The following CSMD1 variants were observed in gnomAD, a reference collection of about 807,000 sequenced individuals.
The protein encoded by CSMD1 is CUB and sushi domain-containing protein 1.
In CSMD1, 213 loss-of-function variants were observed where a neutral mutation model predicts 417.5. The ratio of observed to expected loss-of-function variants is 0.51; its 90% CI spans 0.46 to 0.57. The LOEUF (loss-of-function observed/expected upper bound fraction) is 0.57. Among genes scored for constraint, CSMD1 ranks in the 20% least tolerant of loss-of-function variants. The pLI is 0.00. For synonymous variants in CSMD1, 2,862 were observed against 1,736.8 expected, an observed-to-expected ratio of 1.65 and a Z score of -16.11; for missense variants, 6,923 against 4,529.7, an observed-to-expected ratio of 1.53 and a Z score of -15.17.
intron 2 of CSMD1, among the ~76,000 whole-genome samples, chr8:4,605,592 G>C (rs927298138): frequency 2.0e-5 from 3 of 152,178 alleles, no homozygotes; most frequent in African/African-American, 7.2e-5. Context: ...GCAAAATCAT[G>C]AATAGTCAAT....
At position 4,185,544 on chromosome 8, in the gene CSMD1, G is replaced by A. The variant is rs117361937; in HGVS notation, c.416-153445C>T. Among the ~76,000 whole-genome samples, 39 of 152,108 alleles carry A rather than the reference G, an allele frequency of 2.6e-4. No individual in the cohort carries two copies. The East Asian group carries it at 6.4e-3, about 25-fold the overall frequency. ...CAAGTGGGCATAAAGAGAAACATGC[G>A]CTAATTTTTTAACACACAAATGGAT... On this transcript the variant is annotated intron_variant, in intron 3 of 69. Coordinates refer to ENST00000635120, the MANE Select transcript of CSMD1 (RefSeq NM_033225.6).
intron 5 of CSMD1, among the ~76,000 whole-genome samples, chr8:3,823,190 C>T (rs1319313893): frequency 6.6e-6 from 1 of 152,198 alleles, no homozygotes; most frequent in Admixed American, 6.5e-5. Flanking sequence ...TCAGAGAACT[C>T]ACAGTTTGCA....
rs549778315 is a variant in CSMD1, at chr8:3,024,289, T to G, written c.7855+5030A>C. 3.6e-5 allele frequency among the ~76,000 whole-genome samples: 5 copies of G among 140,588 alleles called. No homozygotes were observed. In the South Asian group the frequency reaches 7.1e-4, roughly 20 times the overall value. The allele number at this position is 140,588 out of a possible 152,430, so 92.2% of individuals were successfully genotyped here. A position where few individuals can be genotyped will look rare whatever the true frequency, so the allele number is the denominator to read the frequency against. ...CCCAGATAATGTTTACATTTTGAGG[T>G]TTTTTTTGGGGGGGGAGGGCAGTGG... On this transcript the variant is annotated intron_variant, in intron 51 of 69. Coordinates refer to ENST00000635120, the MANE Select transcript of CSMD1 (RefSeq NM_033225.6).
chr8:4,164,708 A>C (rs1034315086), intron 3 of CSMD1, among the ~76,000 whole-genome samples: 1 of 152,096 alleles, frequency 6.6e-6, no homozygotes, highest in African/African-American at 2.4e-5. Flanking sequence ...GAGGTGGAGG[A>C]AAGATTCAAG....
In CSMD1 at chr8:2,987,464, T is replaced by C. The variant is rs1456716394; in HGVS notation, c.8378-8664A>G. On this transcript the variant is annotated intron_variant, in intron 54 of 69. Coordinates refer to ENST00000635120, the MANE Select transcript of CSMD1 (RefSeq NM_033225.6). ...AAATATATAAAGAAGTATATTTCTA[T>C]ATATATAAGAAATACATAAAATGCA... 2.7e-5 allele frequency among the ~76,000 whole-genome samples: 4 copies of C among 149,390 alleles called. No homozygotes were observed. The Admixed American group carries it at 2.7e-4, about 10-fold the overall frequency.
Position 4,446,142 on chromosome 8 carries a change from G to A in CSMD1, c.303-26077C>T, listed in dbSNP as rs563699937. On this transcript the variant is annotated intron_variant, in intron 2 of 69. Transcript: ENST00000635120. ...GTTGTTACATTCGTTACATACGTGA[G>A]TTTTGAACTGAAACCCATACTTCAT... 2.6e-5 allele frequency among the ~76,000 whole-genome samples: 4 copies of A among 152,148 alleles called. No homozygotes were observed. In the East Asian group the frequency reaches 7.7e-4, roughly 29 times the overall value.
intron 3 of CSMD1, among the ~76,000 whole-genome samples, chr8:4,234,179 T>C (rs75106389): frequency 0.033 from 4,958 of 152,238 alleles, 268 homozygotes; most frequent in African/African-American, 0.11. Context: ...AGTTAACTCT[T>C]GACTTAGACC....
At chr8:4,715,489 G>A (rs977251784) in intron 1 of CSMD1, among the ~76,000 whole-genome samples, 1 of 151,988 alleles carries the variant, frequency 6.6e-6, no homozygotes, top group East Asian at 1.9e-4. Context: ...CATATAAATT[G>A]ATAATCCTCA....
At chr8:3,441,371 T>C (rs940572301) in intron 12 of CSMD1, among the ~76,000 whole-genome samples, 1 of 152,160 alleles carries the variant, frequency 6.6e-6, no homozygotes, top group Non-Finnish European at 1.5e-5. Context: ...CATCGACTGA[T>C]ATAAACATGT....
chr8:3,632,477 T>C (rs981580154), intron 7 of CSMD1, among the ~76,000 whole-genome samples: 1 of 152,198 alleles, frequency 6.6e-6, no homozygotes, highest in Non-Finnish European at 1.5e-5. Context: ...TATATCTCAT[T>C]AACATGTCAT....
chr8:3,001,997 T>C (rs746365697), intron 52 of CSMD1, among the ~76,000 whole-genome samples: 7 of 152,170 alleles, frequency 4.6e-5, no homozygotes, highest in Non-Finnish European at 7.4e-5. Flanking sequence ...GAAGGTAACA[T>C]TGCAGAGGAG....
At chr8:3,884,621 A>C (rs564868657) in intron 5 of CSMD1, among the ~76,000 whole-genome samples, 1 of 152,152 alleles carries the variant, frequency 6.6e-6, no homozygotes, top group Non-Finnish European at 1.5e-5. Flanking sequence ...TGATTTGGTT[A>C]AACAAAAAGA....
chr8:3,976,335 C>G (rs973725889), intron 5 of CSMD1, among the ~76,000 whole-genome samples: 137 of 152,194 alleles, frequency 9.0e-4, no homozygotes, highest in African/African-American at 3.3e-3. Flanking sequence ...TTTTTAATTA[C>G]TAAAACTGAA....
At chr8:3,226,315 G>A (rs1798500065) in intron 27 of CSMD1, among the ~76,000 whole-genome samples, 1 of 152,156 alleles carries the variant, frequency 6.6e-6, no homozygotes, top group Non-Finnish European at 1.5e-5. Flanking sequence ...GAACGTGGTG[G>A]CTCACGCTTG....
At chr8:3,113,795 C>G (rs1458245298) in intron 42 of CSMD1, among the ~76,000 whole-genome samples, 1 of 152,224 alleles carries the variant, frequency 6.6e-6, no homozygotes, top group Non-Finnish European at 1.5e-5. Flanking sequence ...GGGGTTGGCA[C>G]ACCTTGGCAC....
chr8:4,049,295 T>G (rs928988107), intron 3 of CSMD1, among the ~76,000 whole-genome samples: 13 of 152,030 alleles, frequency 8.6e-5, no homozygotes, highest in African/African-American at 1.2e-4. Context: ...TGTCTGGCTG[T>G]AGGACATTTT....
intron 2 of CSMD1, among the ~76,000 whole-genome samples, chr8:4,531,840 A>G (rs1018364193): frequency 6.6e-6 from 1 of 152,210 alleles, no homozygotes; most frequent in Admixed American, 6.5e-5. Flanking sequence ...TATCACTTTG[A>G]AAAGAAATCC....
At chr8:3,835,549 C>T (rs980376478) in intron 5 of CSMD1, among the ~76,000 whole-genome samples, 8 of 151,932 alleles carry the variant, frequency 5.3e-5, no homozygotes, top group African/African-American at 1.7e-4. Context: ...AAGGGAACAT[C>T]GCACCTCAGG....
At chr8:3,387,276 T>A (rs911314855) in intron 18 of CSMD1, among the ~76,000 whole-genome samples, 3 of 152,302 alleles carry the variant, frequency 2.0e-5, no homozygotes, top group African/African-American at 7.2e-5. Context: ...CATTCGGGGA[T>A]AAAGTTGAAG....
Sources: gnomAD v4.1 joint callset for allele counts (sites outside exome capture counted in the v4.1 genomes callset) on GRCh38, gnomAD v4.1.1 for gene constraint, MANE v1.5 for transcripts, NCBI Gene and HGNC (gene_info 2026-07-23, HGNC 2026-07-21) for gene names.